The following RWDD4 variants were observed in gnomAD, a reference collection of about 807,000 sequenced individuals.
RWDD4 encodes RWD domain-containing protein 4.
In RWDD4, 16 loss-of-function variants were observed where a neutral mutation model predicts 30.0. The ratio of observed to expected loss-of-function variants is 0.53; its 90% confidence interval spans 0.36 to 0.81. The LOEUF (loss-of-function observed/expected upper bound fraction) is 0.81. RWDD4 is among the 30% of genes least tolerant of loss of function. The pLI, the probability that RWDD4 is intolerant of heterozygous loss-of-function variation, is 0.00. For synonymous variants in RWDD4, 45 were observed against 72.1 expected (o/e 0.62, Z 1.90); for missense variants, 170 against 223.9 (o/e 0.76, Z 1.54).
chr4:183,658,868 G>C (rs1172768421), intron 1 of RWDD4, 61 bp downstream of exon 1: 3 of 1,216,970 alleles, frequency 2.5e-6, no homozygotes, highest in East Asian at 3.2e-5. Context: ...CAGGTCTCAC[G>C]GGGGCCCGGG....
intron 1 of RWDD4, 27 bp from the exon 2 acceptor site, chr4:183,655,988 G>C (rs371144350): frequency 1.2e-5 from 17 of 1,448,720 alleles, no homozygotes; most frequent in Non-Finnish European, 1.5e-5. Context: ...AATGAGTTTT[G>C]TTTAGTGGTA....
At chr4:183,657,401 A>T (rs1579134560) in intron 1 of RWDD4, among the ~76,000 whole-genome samples, 1 of 152,358 alleles carries the variant, frequency 6.6e-6, no homozygotes, top group South Asian at 2.1e-4. Context: ...GTACAAAAAT[A>T]GGAGGCAAGT....
At position 183,659,125 on chromosome 4, in the gene RWDD4, A is replaced by G. The variant is rs1019433384; in HGVS notation, c.-173T>C. On this transcript the variant is annotated 5_prime_UTR_variant, in exon 1 of 8. Transcript: ENST00000326397. ...CGCGCCCCGAGCCTCGGCAGCGCCC[A>G]GCCGCCGGCAGTGGGCTGTGGGCTA... 2.2e-6 allele frequency: 1 copy of G among 446,352 alleles called. No homozygotes were observed. The highest frequency in any genetic ancestry group is 3.7e-6 in the Non-Finnish European group (1 of 272,334). 27.6% of individuals were successfully genotyped at this position (446,352 alleles called of 1,614,324 possible). A position where few individuals can be genotyped will look rare whatever the true frequency, so the allele number is the denominator to read the frequency against.
chr4:183,651,948 A>G (rs1435674782), intron 2 of RWDD4, among the ~76,000 whole-genome samples: 1 of 152,208 alleles, frequency 6.6e-6, no homozygotes, highest in African/African-American at 2.4e-5. Context: ...GAACACTCTG[A>G]CATTCATCTT....
At chr4:183,657,023 C>A (rs1236849116) in intron 1 of RWDD4, among the ~76,000 whole-genome samples, 1 of 144,780 alleles carries the variant, frequency 6.9e-6, no homozygotes, top group African/African-American at 2.6e-5. Context: ...GAGGCTCCGT[C>A]TCAAAAATAG....
At chr4:183,646,318 G>A (rs1329107135) in intron 7 of RWDD4, 33 bp downstream of exon 7, 1 of 870,162 alleles carries the variant, frequency 1.1e-6, no homozygotes, top group East Asian at 2.4e-5. Context: ...GCAGGGAAAA[G>A]AAGAATGTAA....
At chr4:183,653,399 T>A (rs145314375) in intron 2 of RWDD4, among the ~76,000 whole-genome samples, 2 of 149,382 alleles carry the variant, frequency 1.3e-5, no homozygotes, top group East Asian at 3.9e-4. Context: ...CAAGACCCTG[T>A]CTCTATTAAA....
intron 7 of RWDD4, among the ~76,000 whole-genome samples, chr4:183,644,216 T>C (rs1733921753): frequency 6.6e-6 from 1 of 152,212 alleles, no homozygotes; most frequent in African/African-American, 2.4e-5. Context: ...GGTTAGGCTA[T>C]ATGTTGGTAT....
chr4:183,641,885 T>C (rs910396245), intron 7 of RWDD4, among the ~76,000 whole-genome samples: 1 of 152,208 alleles, frequency 6.6e-6, no homozygotes, highest in Non-Finnish European at 1.5e-5. Flanking sequence ...ACCTAAGATT[T>C]ACCATCTTAA....
chr4:183,647,874 T>C (rs559387803), intron 5 of RWDD4, among the ~76,000 whole-genome samples: 22 of 152,318 alleles, frequency 1.4e-4, no homozygotes, highest in African/African-American at 5.1e-4. Flanking sequence ...GAGTTGCTAT[T>C]TGCCACAGAC....
chr4:183,648,788 G>A (rs7656456), intron 5 of RWDD4, among the ~76,000 whole-genome samples: 38,802 of 151,866 alleles, frequency 0.26, 6,102 homozygotes, highest in African/African-American at 0.44. Context: ...TTTGCCACTC[G>A]GTTACCTTTT....
chr4:183,649,876 G>C (rs1365902661), intron 4 of RWDD4, among the ~76,000 whole-genome samples: 1 of 152,182 alleles, frequency 6.6e-6, no homozygotes, highest in East Asian at 1.9e-4. Context: ...CAGTTAACTT[G>C]CTATTATTTG....
intron 2 of RWDD4, among the ~76,000 whole-genome samples, chr4:183,655,196 C>T (rs1400180043): frequency 6.6e-6 from 1 of 152,096 alleles, no homozygotes; most frequent in African/African-American, 2.4e-5. Context: ...CTGCCTCGGC[C>T]TCTCAAAGTT....
chr4:183,645,178 T>C (rs1733943921), intron 7 of RWDD4, among the ~76,000 whole-genome samples: 1 of 152,322 alleles, frequency 6.6e-6, no homozygotes, highest in African/African-American at 2.4e-5. Flanking sequence ...ATTACCTGTA[T>C]TTGTGGGTCC....
Position 183,658,986 on chromosome 4 carries a change from G to A in RWDD4, c.-34C>T. On this transcript the variant is annotated 5_prime_UTR_variant, in exon 1 of 8. Coordinates refer to ENST00000326397, the MANE Select transcript of RWDD4 (RefSeq NM_152682.4). ...TCGCGGGGCGCCTCCTGAGCGGACGGCGTTCGCAACAACGAAGAGAAAGCG... is the reference window on the plus strand; with the variant it reads ...TCGCGGGGCGCCTCCTGAGCGGACGACGTTCGCAACAACGAAGAGAAAGCG... 1.6e-6 allele frequency: 2 copies of A among 1,265,500 alleles called. No individual in the cohort carries two copies. The highest frequency in any genetic ancestry group is 2.0e-6 in the Non-Finnish European group (2 of 1,006,140). 78.4% of individuals were successfully genotyped at this position (1,265,500 alleles called of 1,614,324 possible). A position where few individuals can be genotyped will look rare whatever the true frequency, so the allele number is the denominator to read the frequency against.
Position 183,651,258 on chromosome 4 carries a change from G to A in RWDD4, c.175C>T (p.Pro59Ser). The change falls in exon 3 of 8, where the codon CCT (proline) becomes TCT (serine). Residue 59 changes from proline (P) to serine (S), a missense_variant. Pro to Ser is a moderately conservative substitution (Grantham distance 74). Transcript: ENST00000326397. The part of the protein sequence containing the change: ...ISWTETYPQT[P>S]PILSMNAFFN... ...AAAGCGTTCATAGATAGAATTGGAG[G>A]TGTTTGGGGATATGTTTCTGTCCAG... is the stretch of plus-strand genomic sequence containing the variant. 5 of 1,613,280 alleles carry A rather than the reference G, an allele frequency of 3.1e-6. No homozygotes were observed. Among genetic ancestry groups the A allele is most frequent in the Non-Finnish European group, 4.2e-6 (5 of 1,179,970 alleles).
intron 2 of RWDD4, among the ~76,000 whole-genome samples, chr4:183,655,148 C>A (rs113286161): frequency 0.018 from 2,792 of 151,926 alleles, 89 homozygotes; most frequent in African/African-American, 0.063. Context: ...ACCTTGTTGG[C>A]CAGGCTGGTC....
rs557061539 is a variant in RWDD4, at chr4:183,639,781, A to G, written c.*1655T>C. 6.5e-6 allele frequency: 1 copy of G among 152,772 alleles called. No homozygotes were observed. Among genetic ancestry groups the G allele is most frequent in the South Asian group, 2.1e-4 (1 of 4,822 alleles). 9.5% of individuals were successfully genotyped at this position (152,772 alleles called of 1,614,324 possible). On this transcript the variant is annotated 3_prime_UTR_variant, in exon 8 of 8. Transcript: ENST00000326397. ...CTGTTCAAGTGTTTTACATAAGGTAATAAGAGGTACCACCATCACCAGAAC... is the reference window on the plus strand; with the variant it reads ...CTGTTCAAGTGTTTTACATAAGGTAGTAAGAGGTACCACCATCACCAGAAC...
At chr4:183,656,646 T>C (rs927643366) in intron 1 of RWDD4, among the ~76,000 whole-genome samples, 3 of 152,136 alleles carry the variant, frequency 2.0e-5, no homozygotes, top group Admixed American at 6.5e-5. Flanking sequence ...TGGGTACACG[T>C]TTAAGTTTTT....
Sources: gnomAD v4.1 joint callset for allele counts (sites outside exome capture counted in the v4.1 genomes callset) on GRCh38, gnomAD v4.1.1 for gene constraint, MANE v1.5 for transcripts, NCBI Gene and HGNC (gene_info 2026-07-23, HGNC 2026-07-21) for gene names.